Variants in VCL observed in about 807,000 individuals in gnomAD.
VCL encodes vinculin, also known as epididymis luminal protein 114.
In VCL, 47 loss-of-function variants were observed where a neutral mutation model predicts 125.7. The observed-to-expected ratio is 0.37, with a 90% confidence interval of 0.30 to 0.48. VCL has a LOEUF of 0.48. Among genes scored for constraint, VCL ranks in the 20% least tolerant of loss-of-function variants. The pLI, the probability that VCL is intolerant of heterozygous loss-of-function variation, is 0.99. For synonymous variants in VCL, 458 were observed against 514.6 expected (o/e 0.89, Z 1.49); for missense variants, 1,069 against 1,455.5 (o/e 0.73, Z 4.32).
intron 1 of VCL, among the ~76,000 whole-genome samples, chr10:74,013,438 A>G (rs921045379): frequency 1.3e-5 from 2 of 152,094 alleles, no homozygotes; most frequent in Non-Finnish European, 1.5e-5. Flanking sequence ...AGAATTCTCT[A>G]TTAGTTTTGA....
intron 19 of VCL, among the ~76,000 whole-genome samples, chr10:74,112,729 C>T (rs960353175): frequency 1.3e-5 from 2 of 151,934 alleles, no homozygotes; most frequent in Non-Finnish European, 2.9e-5. Context: ...CAAGACAGGC[C>T]GCCATAGAAC....
intron 1 of VCL, among the ~76,000 whole-genome samples, chr10:74,016,573 C>T (rs934002661): frequency 4.0e-5 from 6 of 151,802 alleles, no homozygotes; most frequent in South Asian, 2.1e-4. Context: ...GGCAACAGAG[C>T]GAGACTCTGT....
intron 11 of VCL, among the ~76,000 whole-genome samples, chr10:74,095,240 TTACA>T (rs1277624335): frequency 6.6e-6 from 1 of 152,170 alleles, no homozygotes; most frequent in African/African-American, 2.4e-5. Context: ...TGATAAAATA[TTACA>T]TAGATTTTAG....
intron 2 of VCL, among the ~76,000 whole-genome samples, chr10:74,068,534 A>G (rs1321646527): frequency 2.0e-5 from 3 of 152,182 alleles, no homozygotes; most frequent in African/African-American, 7.2e-5. Flanking sequence ...CATGTTGGCC[A>G]GGCTGATCTC....
chr10:74,019,896 C>G (rs1216480931), intron 1 of VCL, among the ~76,000 whole-genome samples: 1 of 151,984 alleles, frequency 6.6e-6, no homozygotes, highest in Non-Finnish European at 1.5e-5. Flanking sequence ...AACCCTTTCT[C>G]TACTAAAAAT....
intron 2 of VCL, among the ~76,000 whole-genome samples, chr10:74,066,257 C>T (rs1214795230): frequency 6.6e-6 from 1 of 151,910 alleles, no homozygotes; most frequent in Non-Finnish European, 1.5e-5. Flanking sequence ...CAGGGTTTCT[C>T]CATGTTGGTC....
intron 1 of VCL, among the ~76,000 whole-genome samples, chr10:74,008,324 A>G (rs1591647446): frequency 6.6e-6 from 1 of 152,316 alleles, no homozygotes; most frequent in East Asian, 1.9e-4. Flanking sequence ...GTTTGAGATA[A>G]CAAAAGTGTT....
chr10:74,093,766 T>G (rs1839925483), intron 10 of VCL, among the ~76,000 whole-genome samples: 1 of 152,166 alleles, frequency 6.6e-6, no homozygotes. Context: ...ATCTCACCAC[T>G]GCATTCCAGC....
intron 8 of VCL, among the ~76,000 whole-genome samples, chr10:74,085,925 T>C (rs1295979697): frequency 2.0e-5 from 3 of 152,222 alleles, no homozygotes; most frequent in Non-Finnish European, 4.4e-5. Flanking sequence ...TGGAGTGCAA[T>C]AGCATGATCT....
intron 1 of VCL, among the ~76,000 whole-genome samples, chr10:74,033,532 T>C (rs1840919443): frequency 6.6e-6 from 1 of 152,216 alleles, no homozygotes; most frequent in Admixed American, 6.5e-5. Flanking sequence ...TTCTTCTGGC[T>C]TTTATGACAG....
intron 1 of VCL, among the ~76,000 whole-genome samples, chr10:74,036,808 C>T (rs1234852381): frequency 1.3e-5 from 2 of 151,886 alleles, no homozygotes; most frequent in African/African-American, 2.4e-5. Context: ...AAGTTGACCT[C>T]GAAGAATAAC....
intron 2 of VCL, among the ~76,000 whole-genome samples, chr10:74,063,248 T>C (rs1841508071): frequency 6.6e-6 from 1 of 152,232 alleles, no homozygotes; most frequent in South Asian, 2.1e-4. Context: ...GGCGGTATTT[T>C]CATGCCTTCT....
At chr10:74,052,946 A>AAAT (rs1491502098) in intron 2 of VCL, among the ~76,000 whole-genome samples, 10 of 99,842 alleles carry the variant, frequency 1.0e-4, no homozygotes, top group South Asian at 6.5e-4. Context: ...GAAAAAAAAA[A>AAAT]ATATATATAT....
Position 74,071,121 on chromosome 10 carries a change from T to C in VCL, c.499+38T>C, listed in dbSNP as rs1457957556. 3 of 1,599,268 alleles carry C rather than the reference T, an allele frequency of 1.9e-6. No homozygotes were observed. Among genetic ancestry groups the C allele is most frequent in the Admixed American group, 3.3e-5 (2 of 59,960 alleles). ...CAATTTCTATAACATTTTTTAAGGATTGTCCATGTTGGAGCCAAAGGAAAG... is the reference window on the plus strand; with the variant it reads ...CAATTTCTATAACATTTTTTAAGGACTGTCCATGTTGGAGCCAAAGGAAAG... On this transcript the variant is annotated intron_variant, in intron 4 of 21. Coordinates refer to ENST00000211998, the MANE Select transcript of VCL (RefSeq NM_014000.3). This position sits in a 1 kb window ranked among gnomAD's most constrained non-coding sequence, Gnocchi z 4.1.
chr10:74,060,893 A>G (rs1053493409), intron 2 of VCL, among the ~76,000 whole-genome samples: 8 of 152,054 alleles, frequency 5.3e-5, no homozygotes, highest in Admixed American at 2.0e-4. Context: ...TCTGGGAAGA[A>G]TGTATTAGAG....
intron 19 of VCL, 87 bp downstream of exon 19, chr10:74,112,199 G>A (rs1591718391): frequency 1.9e-6 from 3 of 1,547,826 alleles, no homozygotes; most frequent in East Asian, 4.5e-5. Flanking sequence ...CATGATCTGT[G>A]CTGGTCCTGT....
chr10:74,059,032 G>A lies in VCL; in HGVS notation c.240-11638G>A, dbSNP rs542369625. Among the ~76,000 whole-genome samples the A allele has an allele frequency of 6.6e-5, 10 of 152,206 alleles. No homozygotes were observed. In the South Asian group the frequency reaches 1.7e-3, roughly 25 times the overall value. ...CTGAACTTCTCAAGGCAGGAGCAGT[G>A]TAGTTACCTTCTCCATCGCAACATT... On this transcript the variant is annotated intron_variant, in intron 2 of 21. Transcript: ENST00000211998.
At chr10:74,088,690 T>C (rs1839826474) in intron 8 of VCL, among the ~76,000 whole-genome samples, 2 of 152,184 alleles carry the variant, frequency 1.3e-5, no homozygotes, top group Admixed American at 1.3e-4. Context: ...GTTCCACAGG[T>C]ACCAAGAGTC....
chr10:74,097,378 G>C lies in VCL; in HGVS notation c.1872+46G>C. The C allele has an allele frequency of 6.2e-7, 1 of 1,602,170 alleles. No homozygotes were observed. Among genetic ancestry groups the C allele is most frequent in the Non-Finnish European group, 8.5e-7 (1 of 1,176,134 alleles). ...ATTTTTCTGTCAGCCTGTGCTATAG[G>C]TATATGTAAAGGTGAAATGTGATTA... is the stretch of plus-strand genomic sequence containing the variant. On this transcript the variant is annotated intron_variant, in intron 13 of 21. Transcript: ENST00000211998. This position sits in a 1 kb window ranked among gnomAD's most constrained non-coding sequence, Gnocchi z 4.1.
Sources: gnomAD v4.1 joint callset for allele counts (sites outside exome capture counted in the v4.1 genomes callset) on GRCh38, gnomAD v4.1.1 for gene constraint, Gnocchi (gnomAD v3.1) non-coding constraint, MANE v1.5 for transcripts, NCBI Gene and HGNC (gene_info 2026-07-23, HGNC 2026-07-21) for gene names.